TAF6: variants seen among roughly 807,000 people sequenced by gnomAD.
TAF6 encodes the protein TATA-box binding protein associated factor 6.
In TAF6, 50 loss-of-function variants were observed where a neutral mutation model predicts 73.5. That is an observed-to-expected ratio of 0.68 (90% CI 0.54 to 0.86). The LOEUF (loss-of-function observed/expected upper bound fraction) is 0.86. Among genes scored for constraint, TAF6 ranks in the 40% least tolerant of loss-of-function variants. The pLI is 0.00. For synonymous variants in TAF6, 424 were observed against 376.7 expected (o/e 1.13, Z -1.45); for missense variants, 768 against 899.5 (o/e 0.85, Z 1.87).
At chr7:100,113,219 A>T (rs1797359702) in intron 5 of TAF6, 130 bp downstream of exon 5, 14 of 928,722 alleles carry the variant, frequency 1.5e-5, no homozygotes, top group Non-Finnish European at 2.2e-5. Context: ...GTGAGCCAAG[A>T]TTGAGCCACT....
upstream of TAF6, chr7:100,124,462 G>A: frequency 7.1e-7 from 1 of 1,413,500 alleles, no homozygotes; most frequent in Non-Finnish European, 1.0e-6. Flanking sequence ...AGACAGGCGG[G>A]ATCCCAAATC....
At chr7:100,115,165 T>G (rs761061253) in intron 1 of TAF6, 1 of 152,080 alleles carries the variant, frequency 6.6e-6, no homozygotes, top group Non-Finnish European at 1.5e-5. Context: ...CCAGCCCAGA[T>G]TTTTATCTTT....
intron 1 of TAF6, among the ~76,000 whole-genome samples, chr7:100,117,656 T>C (rs375744741): frequency 6.6e-6 from 1 of 152,150 alleles, no homozygotes; most frequent in East Asian, 1.9e-4. Context: ...AATGAATTAG[T>C]TGTAAGGCTT....
chr7:100,110,366 C>T, intron 10 of TAF6, 92 bp from the exon 11 acceptor site: 1 of 1,408,906 alleles, frequency 7.1e-7, no homozygotes, highest in African/African-American at 1.4e-5. Flanking sequence ...CCTTGTAAAT[C>T]ATTAAGACAT....
At chr7:100,119,571 G>A (rs1307267963), upstream of TAF6, 30 of 1,434,410 alleles carry the variant, frequency 2.1e-5, no homozygotes, top group Admixed American at 2.8e-5. Context: ...ACAAAACGGA[G>A]GCAGGGAAAC....
At chr7:100,110,615 C>T (rs1797085135) in intron 10 of TAF6, among the ~76,000 whole-genome samples, 1 of 152,186 alleles carries the variant, frequency 6.6e-6, no homozygotes, top group Non-Finnish European at 1.5e-5. Context: ...AGTTCTAGAG[C>T]AGCCTGACCA....
upstream of TAF6, chr7:100,124,621 T>A: frequency 1.2e-6 from 2 of 1,613,420 alleles, no homozygotes; most frequent in Non-Finnish European, 1.7e-6. Flanking sequence ...TGCTCCCAGC[T>A]GCTGAAACTG....
intron 1 of TAF6, among the ~76,000 whole-genome samples, chr7:100,117,568 G>A (rs753142888): frequency 1.3e-5 from 2 of 151,372 alleles, no homozygotes; most frequent in Non-Finnish European, 2.9e-5. Flanking sequence ...CACTGTGCCC[G>A]GCCGACAGAG....
upstream of TAF6, chr7:100,119,647 A>C (rs1462335805): frequency 1.2e-6 from 2 of 1,609,232 alleles, no homozygotes; most frequent in Admixed American, 1.7e-5. Context: ...CCTCGGCTGG[A>C]TTTAAGGTTG....
At chr7:100,117,165 G>A (rs1260982091) in intron 1 of TAF6, among the ~76,000 whole-genome samples, 2 of 151,720 alleles carry the variant, frequency 1.3e-5, no homozygotes, top group African/African-American at 2.4e-5. Flanking sequence ...AGAATTGCTT[G>A]AACCCAGGAG....
At chr7:100,113,525 G>T in intron 4 of TAF6, 91 bp downstream of exon 4, 1 of 1,551,760 alleles carries the variant, frequency 6.4e-7, no homozygotes, top group Admixed American at 1.9e-5. Context: ...ATCTCACACT[G>T]AGCTTTTCTT....
intron 12 of TAF6, among the ~76,000 whole-genome samples, chr7:100,109,254 G>T (rs1248221303): frequency 6.6e-6 from 1 of 151,678 alleles, no homozygotes; most frequent in Non-Finnish European, 1.5e-5. Context: ...AACCTGAGAG[G>T]CAGAGGTTGC....
upstream of TAF6, chr7:100,124,807 G>A (rs76794533): frequency 1.2e-6 from 2 of 1,609,878 alleles, no homozygotes; most frequent in Non-Finnish European, 1.7e-6. Flanking sequence ...AGGAGGAGGA[G>A]GAGGAAGAGG....
chr7:100,121,112 A>ATTTTTTTTTTTTTT (rs1798040006), upstream of TAF6: 7 of 30,712 alleles, frequency 2.3e-4, no homozygotes, highest in East Asian at 5.7e-4. Flanking sequence ...ATATATATAT[A>ATTTTTTTTTTTTTT]TATATTTTTT....
At chr7:100,116,074 A>C (rs950517822) in intron 1 of TAF6, among the ~76,000 whole-genome samples, 6 of 152,140 alleles carry the variant, frequency 3.9e-5, no homozygotes, top group Non-Finnish European at 7.3e-5. Context: ...AAACCTCCTA[A>C]CAATGTCAAC....
chr7:100,125,900 C>G, the TAF6 span, among the ~76,000 whole-genome samples: 1 of 152,166 alleles, frequency 6.6e-6, no homozygotes, highest in Non-Finnish European at 1.5e-5. Flanking sequence ...AAAAATTAGC[C>G]GGGCGGCTGG....
chr7:100,118,546 A>T (rs1797871751), intron 1 of TAF6: 1 of 151,906 alleles, frequency 6.6e-6, no homozygotes, highest in Non-Finnish European at 1.5e-5. Context: ...CATCCCAGCT[A>T]CTTAGGAGGC....
At chr7:100,125,576 C>A in the TAF6 span, 1 of 152,202 alleles carries the variant, frequency 6.6e-6, no homozygotes. Flanking sequence ...AGGCAGCACC[C>A]AGAATGGCCG....
chr7:100,109,564 A>G (rs1321618067), intron 12 of TAF6, among the ~76,000 whole-genome samples: 1 of 151,702 alleles, frequency 6.6e-6, no homozygotes, highest in Non-Finnish European at 1.5e-5. Flanking sequence ...TGGCACGATC[A>G]TAGCTCTCTG....
Sources: allele counts gnomAD v4.1 joint callset (sites outside exome capture counted in the v4.1 genomes callset), GRCh38; gene constraint gnomAD v4.1.1; transcripts MANE v1.5; gene names NCBI Gene and HGNC (gene_info 2026-07-23, HGNC 2026-07-21).